Variants in ROBO2 observed in about 807,000 individuals in gnomAD.
ROBO2 encodes roundabout homolog 2.
In ROBO2, 53 loss-of-function variants were observed where a neutral mutation model predicts 160.8. The observed-to-expected ratio is 0.33, with a 90% CI of 0.26 to 0.41. The LOEUF (loss-of-function observed/expected upper bound fraction) is 0.41, where lower values mean the gene tolerates loss of function less well. ROBO2 is among the 10% of genes least tolerant of loss of function. ROBO2 has a pLI of 1.00. For missense variants in ROBO2, 1,577 were observed against 1,722.4 expected (o/e 0.92, Z 1.49); for synonymous variants, 664 against 611.7 (o/e 1.09, Z -1.26).
At chr3:76,334,959 G>C (rs185372812) in intron 2 of ROBO2, among the ~76,000 whole-genome samples, 1 of 152,004 alleles carries the variant, frequency 6.6e-6, no homozygotes, top group East Asian at 1.9e-4. Flanking sequence ...TCTTAAACAA[G>C]AACATAAAAA....
chr3:76,032,225 C>A (rs993618678), intron 2 of ROBO2, among the ~76,000 whole-genome samples: 1 of 151,684 alleles, frequency 6.6e-6, no homozygotes, highest in Non-Finnish European at 1.5e-5. Flanking sequence ...TTTTTTATTG[C>A]GTCTATTTGA....
chr3:77,112,486 C>T (rs1244608499), intron 2 of ROBO2, among the ~76,000 whole-genome samples: 2 of 151,970 alleles, frequency 1.3e-5, no homozygotes, highest in South Asian at 2.1e-4. Context: ...TGGGCTGATG[C>T]GCCCGCCTCG....
rs143304686 is a variant in ROBO2, at chr3:76,571,831, C to T, written c.110-526183C>T. 6.6e-5 allele frequency among the ~76,000 whole-genome samples: 10 copies of T among 152,098 alleles called. No individual in the cohort carries two copies. In the East Asian group the frequency reaches 7.7e-4, roughly 12 times the overall value. On this transcript the variant is annotated intron_variant, in intron 2 of 26. Transcript: ENST00000487694. ...TAAAACCATCTTCCGTATTGCACTGCGTATTTAAAATGTACTGAAATGAAA... is the reference window on the plus strand; with the variant it reads ...TAAAACCATCTTCCGTATTGCACTGTGTATTTAAAATGTACTGAAATGAAA...
intron 2 of ROBO2, among the ~76,000 whole-genome samples, chr3:77,305,107 G>T (rs925351258): frequency 6.6e-6 from 1 of 152,130 alleles, no homozygotes; most frequent in Non-Finnish European, 1.5e-5. Context: ...AAGTACAATT[G>T]TATTTGAAAA....
chr3:76,799,107 G>A (rs1441259526), intron 2 of ROBO2, among the ~76,000 whole-genome samples: 4 of 151,888 alleles, frequency 2.6e-5, no homozygotes, highest in Non-Finnish European at 5.9e-5. Context: ...CCAGCTACTC[G>A]GGAGGCTGAG....
intron 2 of ROBO2, among the ~76,000 whole-genome samples, chr3:77,296,288 C>T (rs1360526766): frequency 1.3e-5 from 2 of 151,294 alleles, no homozygotes; most frequent in South Asian, 2.1e-4. Context: ...GCTAGATCAC[C>T]CCAGACATAA....
At chr3:77,567,087 GA>G (rs561362156) in intron 12 of ROBO2, among the ~76,000 whole-genome samples, 4,407 of 141,270 alleles carry the variant, frequency 0.031, 198 homozygotes, top group African/African-American at 0.1. Context: ...TGTTAAAAAT[GA>G]AAAAAAAAAA....
intron 2 of ROBO2, among the ~76,000 whole-genome samples, chr3:77,132,611 G>T (rs908428181): frequency 1.3e-5 from 2 of 151,940 alleles, no homozygotes; most frequent in Non-Finnish European, 2.9e-5. Context: ...CTGTATAGCT[G>T]TAGGATTTGA....
At chr3:77,164,682 T>C (rs75790981) in intron 2 of ROBO2, among the ~76,000 whole-genome samples, 19 of 87,088 alleles carry the variant, frequency 2.2e-4, no homozygotes, top group East Asian at 8.2e-4. Context: ...GCCCCCCGCC[T>C]GGCCAGCCGT....
chr3:77,339,685 A>G (rs1449555864), intron 2 of ROBO2, among the ~76,000 whole-genome samples: 2 of 152,068 alleles, frequency 1.3e-5, no homozygotes, highest in East Asian at 1.9e-4. Context: ...TGTCCCTTTC[A>G]TAGAACTAAA....
chr3:76,146,894 A>G (rs1024728749), intron 2 of ROBO2, among the ~76,000 whole-genome samples: 1 of 150,412 alleles, frequency 6.6e-6, no homozygotes, highest in African/African-American at 2.4e-5. Flanking sequence ...ACACAAACAC[A>G]CACACACATA....
chr3:76,790,594 T>C (rs2063295550), intron 2 of ROBO2, among the ~76,000 whole-genome samples: 1 of 151,746 alleles, frequency 6.6e-6, no homozygotes, highest in Non-Finnish European at 1.5e-5. Context: ...GAACATTGTG[T>C]TACCCTACAG....
intron 2 of ROBO2, among the ~76,000 whole-genome samples, chr3:76,055,455 A>G (rs1484144960): frequency 6.6e-6 from 1 of 152,196 alleles, no homozygotes; most frequent in Non-Finnish European, 1.5e-5. Flanking sequence ...AATAGTGAAC[A>G]TTATACTCAA....
chr3:77,196,678 T>G (rs1379658179), intron 2 of ROBO2, among the ~76,000 whole-genome samples: 1 of 152,102 alleles, frequency 6.6e-6, no homozygotes, highest in Non-Finnish European at 1.5e-5. Flanking sequence ...TATATATTCA[T>G]TTTAGATAAA....
chr3:77,413,165 A>G (rs2076939838), intron 2 of ROBO2, among the ~76,000 whole-genome samples: 1 of 152,016 alleles, frequency 6.6e-6, no homozygotes, highest in South Asian at 2.1e-4. Context: ...TGGGAAGTAG[A>G]TATATAATAG....
intron 2 of ROBO2, among the ~76,000 whole-genome samples, chr3:75,955,179 A>G (rs1471009265): frequency 2.6e-5 from 4 of 151,840 alleles, no homozygotes; most frequent in African/African-American, 9.7e-5. Flanking sequence ...CTATATAGCA[A>G]ACTTTCAATA....
At chr3:76,080,366 T>C (rs2068784121) in intron 2 of ROBO2, among the ~76,000 whole-genome samples, 1 of 152,202 alleles carries the variant, frequency 6.6e-6, no homozygotes, top group South Asian at 2.1e-4. Context: ...TGCATCCATG[T>C]TTTTTTCTAC....
chr3:76,170,093 T>C (rs960664865), intron 2 of ROBO2, among the ~76,000 whole-genome samples: 2 of 152,284 alleles, frequency 1.3e-5, no homozygotes, highest in African/African-American at 4.8e-5. Flanking sequence ...GTTAAGGATT[T>C]TTAAAAAATT....
At chr3:76,145,483 A>G (rs1368536657) in intron 2 of ROBO2, among the ~76,000 whole-genome samples, 2 of 151,954 alleles carry the variant, frequency 1.3e-5, no homozygotes, top group Non-Finnish European at 2.9e-5. Context: ...ACTATTCTCC[A>G]CTTTGTCTTG....
Sources: gnomAD v4.1 joint callset for allele counts (sites outside exome capture counted in the v4.1 genomes callset) on GRCh38, gnomAD v4.1.1 for gene constraint, MANE v1.5 for transcripts, NCBI Gene and HGNC (gene_info 2026-07-23, HGNC 2026-07-21) for gene names.